Variants in CTNNA3 observed in about 807,000 individuals in gnomAD.
CTNNA3 encodes catenin alpha 3, also known as catenin alpha-3.
CTNNA3 carries 76 observed loss-of-function variants against 95.7 expected under a neutral mutation model. That is an observed-to-expected ratio of 0.79 (90% CI 0.66 to 0.96). CTNNA3 has a LOEUF of 0.96. CTNNA3 is among the 40% of genes least tolerant of loss of function. The pLI is 0.00. For synonymous variants in CTNNA3, 431 were observed against 374.4 expected (o/e 1.15, Z -1.74); for missense variants, 1,191 against 1,089.8 (o/e 1.09, Z -1.31).
chr10:67,100,908 T>G (rs1416354048), intron 7 of CTNNA3, among the ~76,000 whole-genome samples: 1 of 151,706 alleles, frequency 6.6e-6, no homozygotes, highest in African/African-American at 2.4e-5. Context: ...AAAGATTTCT[T>G]TCTCTGATCA....
intron 11 of CTNNA3, among the ~76,000 whole-genome samples, chr10:66,445,976 A>G (rs1413320139): frequency 1.3e-5 from 2 of 152,198 alleles, no homozygotes; most frequent in Non-Finnish European, 2.9e-5. Flanking sequence ...ATGCAATAAA[A>G]AATGATAAAG....
chr10:66,107,987 C>T (rs2081972158), intron 13 of CTNNA3, among the ~76,000 whole-genome samples: 1 of 151,834 alleles, frequency 6.6e-6, no homozygotes, highest in African/African-American at 2.4e-5. Flanking sequence ...AATCAAATAA[C>T]CACCACAGTA....
chr10:67,112,889 AC>A (rs1222416572), intron 7 of CTNNA3, among the ~76,000 whole-genome samples: 2 of 152,126 alleles, frequency 1.3e-5, no homozygotes, highest in Admixed American at 6.6e-5. Context: ...TTAAAAAAAA[AC>A]ATGTGAGTAA....
chr10:67,319,400 C>T (rs1196148340), intron 5 of CTNNA3, among the ~76,000 whole-genome samples: 1 of 152,112 alleles, frequency 6.6e-6, no homozygotes, highest in Non-Finnish European at 1.5e-5. Flanking sequence ...CCGGTAACCC[C>T]AACCCGGTAG....
chr10:66,423,902 C>A (rs150090138), intron 11 of CTNNA3, among the ~76,000 whole-genome samples: 1 of 152,190 alleles, frequency 6.6e-6, no homozygotes, highest in Non-Finnish European at 1.5e-5. Flanking sequence ...GGAAAAACAT[C>A]CATGTCTGGT....
intron 11 of CTNNA3, among the ~76,000 whole-genome samples, chr10:66,439,347 A>G (rs2093360434): frequency 6.6e-6 from 1 of 152,248 alleles, no homozygotes; most frequent in African/African-American, 2.4e-5. Flanking sequence ...CACAACAATG[A>G]CCCTATGAAG....
chr10:66,270,935 A>G (rs192790101), intron 13 of CTNNA3, among the ~76,000 whole-genome samples: 60 of 152,300 alleles, frequency 3.9e-4, no homozygotes, highest in African/African-American at 1.4e-3. Context: ...AAATTGCCCA[A>G]AAAGTGATTC....
At chr10:67,745,036 T>C (rs1296706999) in intron 1 of CTNNA3, among the ~76,000 whole-genome samples, 3 of 151,998 alleles carry the variant, frequency 2.0e-5, no homozygotes, top group African/African-American at 4.8e-5. Context: ...TGTGGAGAAA[T>C]AGGAACACTT....
At chr10:66,679,887 T>C (rs1398397026) in intron 9 of CTNNA3, among the ~76,000 whole-genome samples, 4 of 152,178 alleles carry the variant, frequency 2.6e-5, no homozygotes, top group South Asian at 2.1e-4. Flanking sequence ...TTAATACTCA[T>C]ACAATAAAAG....
chr10:67,539,199 TTA>T (rs1345778134), intron 4 of CTNNA3, among the ~76,000 whole-genome samples: 9 of 152,088 alleles, frequency 5.9e-5, no homozygotes, highest in African/African-American at 1.9e-4. Context: ...ATCTATATAA[TTA>T]TGTTATTTAT....
intron 10 of CTNNA3, among the ~76,000 whole-genome samples, chr10:66,555,504 A>G (rs1842363183): frequency 6.6e-6 from 1 of 152,114 alleles, no homozygotes; most frequent in Admixed American, 6.5e-5. Context: ...GTAACTGTGC[A>G]TTCCGTATTT....
At chr10:67,114,812 C>T (rs1204816161) in intron 7 of CTNNA3, among the ~76,000 whole-genome samples, 1 of 150,350 alleles carries the variant, frequency 6.7e-6, no homozygotes. Flanking sequence ...AAGAATCAGC[C>T]CTGAAGGGTA....
At chr10:66,333,559 T>G (rs925217399) in intron 12 of CTNNA3, among the ~76,000 whole-genome samples, 1 of 152,148 alleles carries the variant, frequency 6.6e-6, no homozygotes, top group Non-Finnish European at 1.5e-5. Context: ...TTCTTAATGC[T>G]GAGTTCGAGT....
chr10:67,567,114 A>T (rs747407327), intron 3 of CTNNA3, among the ~76,000 whole-genome samples: 7 of 151,856 alleles, frequency 4.6e-5, no homozygotes, highest in Non-Finnish European at 8.8e-5. Flanking sequence ...TGGCACATGT[A>T]TATATATGTA....
At chr10:66,282,918 T>G (rs544332654) in intron 12 of CTNNA3, among the ~76,000 whole-genome samples, 1 of 151,788 alleles carries the variant, frequency 6.6e-6, no homozygotes, top group African/African-American at 2.4e-5. Context: ...ATTAATTAAT[T>G]AATATGTAAA....
chr10:67,674,856 A>G (rs1487083155), intron 1 of CTNNA3, among the ~76,000 whole-genome samples: 1 of 152,150 alleles, frequency 6.6e-6, no homozygotes, highest in African/African-American at 2.4e-5. Context: ...TTTTGTCAGT[A>G]ATATTCCTTG....
chr10:65,950,270 C>T (rs2077587339), intron 17 of CTNNA3, among the ~76,000 whole-genome samples: 1 of 152,154 alleles, frequency 6.6e-6, no homozygotes, highest in African/African-American at 2.4e-5. Flanking sequence ...ACTGAAATGA[C>T]TACTTTTGCA....
At chr10:67,387,981 G>C (rs1036352377) in intron 5 of CTNNA3, among the ~76,000 whole-genome samples, 1 of 151,994 alleles carries the variant, frequency 6.6e-6, no homozygotes, top group Non-Finnish European at 1.5e-5. Flanking sequence ...AGAAAAACTG[G>C]AAACTCTAAA....
chr10:66,478,510 G>A (rs1010664624), intron 11 of CTNNA3, among the ~76,000 whole-genome samples: 2 of 151,644 alleles, frequency 1.3e-5, no homozygotes, highest in East Asian at 3.9e-4. Flanking sequence ...TTAAACATGT[G>A]TAAACTAATT....
Sources: allele counts gnomAD v4.1 joint callset (sites outside exome capture counted in the v4.1 genomes callset), GRCh38; gene constraint gnomAD v4.1.1; transcripts MANE v1.5; gene names NCBI Gene and HGNC (gene_info 2026-07-23, HGNC 2026-07-21).